PMS1: variants seen among roughly 807,000 people sequenced by gnomAD.
The protein encoded by PMS1 is PMS1 protein homolog 1.
PMS1 carries 79 observed loss-of-function variants against 93.1 expected under a neutral mutation model. That is an observed-to-expected ratio of 0.85 (90% confidence interval 0.71 to 1.02). The LOEUF is 1.02. Among genes scored for constraint, PMS1 ranks in the 50% least tolerant of loss-of-function variants. The probability of loss-of-function intolerance (pLI) is 0.00; values close to 1 mark genes in which losing one functional copy is unlikely to be tolerated. For synonymous variants in PMS1, 335 were observed against 363.4 expected (o/e 0.92, Z 0.89); for missense variants, 1,064 against 1,085.3 (o/e 0.98, Z 0.28).
intron 3 of PMS1, among the ~76,000 whole-genome samples, chr2:189,798,260 G>A (rs1000623301): frequency 1.3e-5 from 2 of 152,180 alleles, no homozygotes; most frequent in Non-Finnish European, 2.9e-5. Flanking sequence ...TGACCCTCTG[G>A]GTTCAGTTTT....
intron 1 of PMS1, among the ~76,000 whole-genome samples, chr2:189,787,060 C>G (rs2048414832): frequency 6.6e-6 from 1 of 150,838 alleles, no homozygotes; most frequent in Non-Finnish European, 1.5e-5. Context: ...AACTCTGTCT[C>G]AAAAAAAAGA....
intron 5 of PMS1, among the ~76,000 whole-genome samples, chr2:189,826,999 T>A (rs1181662138): frequency 6.6e-6 from 1 of 152,206 alleles, no homozygotes; most frequent in Admixed American, 6.5e-5. Context: ...TATTTTCACT[T>A]GTATTCACAT....
chr2:189,829,998 C>T (rs374687003), intron 5 of PMS1, among the ~76,000 whole-genome samples: 11 of 152,144 alleles, frequency 7.2e-5, no homozygotes, highest in African/African-American at 2.2e-4. Flanking sequence ...TCATATAACT[C>T]ATGTTTAATT....
chr2:189,844,675 C>G (rs1189649096), intron 6 of PMS1, among the ~76,000 whole-genome samples: 1 of 149,660 alleles, frequency 6.7e-6, no homozygotes, highest in East Asian at 2.0e-4. Context: ...TGTTTTCCCC[C>G]ACCTTTCCCA....
rs2051481432 is a variant in PMS1, at chr2:189,818,047, A to G, written c.449A>G (p.Lys150Arg). 1.9e-6 allele frequency: 3 copies of G among 1,610,276 alleles called. No homozygotes were observed. Among genetic ancestry groups the G allele is most frequent in the East Asian group, 4.5e-5 (2 of 44,786 alleles). Residue 150 changes from lysine to arginine, a missense_variant, in exon 5 of 13, where the codon AAG becomes AGG. Coordinates refer to ENST00000441310, the MANE Select transcript of PMS1 (RefSeq NM_000534.5). Reference protein sequence around the residue: ...GTTVTALRLFKNLPVRKQFYS... With the variant: ...GTTVTALRLFRNLPVRKQFYS... The stretch of plus-strand genomic sequence containing the variant: ...ACTGTAACTGCTTTAAGATTATTTA[A>G]GAATCTACCTGTAAGAAAGCAGTTT...
intron 12 of PMS1, among the ~76,000 whole-genome samples, chr2:189,874,924 A>G (rs1050625627): frequency 6.6e-6 from 1 of 152,094 alleles, no homozygotes; most frequent in Non-Finnish European, 1.5e-5. Context: ...TTCAGAAATA[A>G]CAGGAATAAA....
intron 4 of PMS1, among the ~76,000 whole-genome samples, chr2:189,810,159 TGAGTTTGAAGATGGTAG>T (rs1010953584): frequency 3.3e-5 from 5 of 152,132 alleles, no homozygotes; most frequent in Admixed American, 3.3e-4. Flanking sequence ...AGATGACGTT[TGAGTTTGAAGATGGTAG>T]GAGTTTGAAG....
rs1229283701 is a variant in PMS1, at chr2:189,843,979, A to G, written c.598A>G (p.Lys200Glu). Residue 200 changes from lysine (K) to glutamate (E), a missense_variant, in exon 6 of 13, where the codon AAA becomes GAA. Coordinates refer to ENST00000441310, the MANE Select transcript of PMS1 (RefSeq NM_000534.5). ...TTGTCCCTAGGCAGTTATTTGGCAG[A>G]AAAGCAGAGTATCAGATCACAAGAT... Reference protein sequence around the residue: ...FVHNKAVIWQKSRVSDHKMAL... With the variant: ...FVHNKAVIWQESRVSDHKMAL... The G allele has an allele frequency of 6.2e-7, 1 of 1,613,996 alleles. No homozygotes were observed. The highest frequency in any genetic ancestry group is 1.7e-5 in the Admixed American group (1 of 60,026).
At chr2:189,846,265 A>C (rs922370939) in intron 6 of PMS1, among the ~76,000 whole-genome samples, 5 of 151,978 alleles carry the variant, frequency 3.3e-5, no homozygotes, top group African/African-American at 9.7e-5. Context: ...TAATCCCAGC[A>C]CTTTGGGAAG....
intron 5 of PMS1, among the ~76,000 whole-genome samples, chr2:189,840,697 T>C (rs575589534): frequency 6.6e-6 from 1 of 152,184 alleles, no homozygotes; most frequent in African/African-American, 2.4e-5. Flanking sequence ...TATAAATCCT[T>C]AGGTATAAGG....
intron 9 of PMS1, among the ~76,000 whole-genome samples, chr2:189,861,919 CTACCTG>C: frequency 6.6e-6 from 1 of 151,460 alleles, no homozygotes; most frequent in South Asian, 2.1e-4. Flanking sequence ...TCTAATATAC[CTACCTG>C]TATATTAGAT....
intron 5 of PMS1, among the ~76,000 whole-genome samples, chr2:189,839,016 GTCTC>G (rs915127050): frequency 6.6e-6 from 1 of 151,760 alleles, no homozygotes; most frequent in Admixed American, 6.6e-5. Context: ...TTGAGACAGA[GTCTC>G]TCTCTCTGTT....
At chr2:189,846,670 G>A (rs1372268734) in intron 6 of PMS1, among the ~76,000 whole-genome samples, 4 of 152,058 alleles carry the variant, frequency 2.6e-5, no homozygotes, top group East Asian at 1.9e-4. Flanking sequence ...GAAAGAGACC[G>A]TGTCTCAAAA....
At chr2:189,796,190 C>A (rs932379630) in intron 3 of PMS1, among the ~76,000 whole-genome samples, 4 of 152,052 alleles carry the variant, frequency 2.6e-5, no homozygotes, top group Non-Finnish European at 5.9e-5. Flanking sequence ...GAAACCCCGT[C>A]TCTACTAAAA....
At chr2:189,840,278 G>T (rs2053713906) in intron 5 of PMS1, among the ~76,000 whole-genome samples, 1 of 152,142 alleles carries the variant, frequency 6.6e-6, no homozygotes, top group Non-Finnish European at 1.5e-5. Flanking sequence ...GTGATGGACA[G>T]AAAACCAAAG....
intron 9 of PMS1, among the ~76,000 whole-genome samples, chr2:189,860,559 CTT>C (rs2055852130): frequency 6.6e-6 from 1 of 151,844 alleles, no homozygotes; most frequent in African/African-American, 2.4e-5. Context: ...ATATTTGGGG[CTT>C]TTCCGGATAT....
intron 10 of PMS1, among the ~76,000 whole-genome samples, chr2:189,867,551 A>T (rs1323716003): frequency 3.9e-5 from 6 of 152,192 alleles, no homozygotes; most frequent in African/African-American, 1.2e-4. Flanking sequence ...AGCCATTTTT[A>T]AAATTTCACA....
Position 189,854,570 on chromosome 2 carries a change from A to G in PMS1, c.1298A>G (p.Lys433Arg), listed in dbSNP as rs148690800. The change falls in exon 9 of 13, where the codon AAG becomes AGG. Residue 433 changes from lysine (K) to arginine (R), a missense_variant. Lys to Arg is a conservative substitution (Grantham distance 26). Coordinates refer to ENST00000441310, the MANE Select transcript of PMS1 (RefSeq NM_000534.5). Reference protein sequence around the residue: ...SEISNIDKNTKNAFQDISMSN... With the variant: ...SEISNIDKNTRNAFQDISMSN... ...ATTTCTAACATTGATAAAAACACTA[A>G]GAATGCATTTCAGGACATTTCAATG... The G allele has an allele frequency of 6.2e-6, 10 of 1,613,472 alleles. No individual in the cohort carries two copies. The highest frequency in any genetic ancestry group is 8.5e-6 in the Non-Finnish European group (10 of 1,179,584).
chr2:189,866,038 A>G (rs2056628879), intron 10 of PMS1, among the ~76,000 whole-genome samples: 1 of 152,214 alleles, frequency 6.6e-6, no homozygotes, highest in African/African-American at 2.4e-5. Flanking sequence ...AAAATCCAGT[A>G]TGTTTCATAG....
Sources: gnomAD v4.1 joint callset for allele counts (sites outside exome capture counted in the v4.1 genomes callset) on GRCh38, gnomAD v4.1.1 for gene constraint, MANE v1.5 for transcripts, NCBI Gene and HGNC (gene_info 2026-07-23, HGNC 2026-07-21) for gene names.